GALNT10: variants seen among roughly 807,000 people sequenced by gnomAD.
The protein encoded by GALNT10 is GalNAc transferase 10.
In GALNT10, 41 loss-of-function variants were observed where a neutral mutation model predicts 75.0. The observed-to-expected ratio is 0.55, with a 90% CI of 0.43 to 0.71. The LOEUF is 0.71. GALNT10 is among the 30% of genes least tolerant of loss of function. The pLI, the probability that GALNT10 is intolerant of heterozygous loss-of-function variation, is 0.00. For synonymous variants in GALNT10, 302 were observed against 313.0 expected (o/e 0.96, Z 0.37); for missense variants, 727 against 818.5 (o/e 0.89, Z 1.36).
intron 1 of GALNT10, among the ~76,000 whole-genome samples, chr5:154,229,771 C>T (rs1355226380): frequency 6.6e-6 from 1 of 151,932 alleles, no homozygotes; most frequent in Admixed American, 6.6e-5. Flanking sequence ...CAATCACGGA[C>T]CAGGACAGTC....
rs116115350 is a variant in GALNT10 at position 154,386,250 on chromosome 5, G to T, written c.939-63G>T. ...GCCGCTGGGGGAATGGCATTATCGG[G>T]CCACATGAGAGCATGTGGCCAGGAC... On this transcript the variant is annotated intron_variant, in intron 6 of 11. Coordinates refer to ENST00000297107, the MANE Select transcript of GALNT10 (RefSeq NM_198321.4). 1.7e-3 allele frequency: 2,025 copies of T among 1,170,720 alleles called. 33 individuals carry two copies. In the African/African-American group the frequency reaches 0.028, roughly 16 times the overall value. The allele number at this position is 1,170,720 out of a possible 1,614,324, so 72.5% of individuals were successfully genotyped here.
At chr5:154,291,313 CT>C (rs775666908) in intron 1 of GALNT10, among the ~76,000 whole-genome samples, 5 of 152,138 alleles carry the variant, frequency 3.3e-5, no homozygotes, top group Non-Finnish European at 7.4e-5. Context: ...TTGAAGGGCC[CT>C]TTAAAGGTTG....
intron 1 of GALNT10, among the ~76,000 whole-genome samples, chr5:154,264,005 T>C (rs1753740957): frequency 6.6e-6 from 1 of 152,212 alleles, no homozygotes; most frequent in African/African-American, 2.4e-5. Context: ...TTTTGTGTTA[T>C]GTGATTTATA....
chr5:154,199,253 G>A (rs538492602), intron 1 of GALNT10, among the ~76,000 whole-genome samples: 1 of 152,214 alleles, frequency 6.6e-6, no homozygotes, highest in African/African-American at 2.4e-5. Context: ...GTTTGGGCTT[G>A]GCCAAGGATC....
intron 1 of GALNT10, among the ~76,000 whole-genome samples, chr5:154,233,067 A>C (rs1197419754): frequency 2.0e-5 from 3 of 152,160 alleles, no homozygotes; most frequent in Non-Finnish European, 4.4e-5. Context: ...TTATCTGTAA[A>C]ATGGGGATAA....
intron 4 of GALNT10, among the ~76,000 whole-genome samples, chr5:154,373,169 C>A (rs1317658997): frequency 6.6e-6 from 1 of 152,142 alleles, no homozygotes; most frequent in Non-Finnish European, 1.5e-5. Context: ...CCCTTCCAAA[C>A]CCATCAGTGT....
chr5:154,386,293 AT>A lies in GALNT10; in HGVS notation c.939-19del, dbSNP rs1755805065. The A allele has an allele frequency of 3.2e-6, 5 of 1,576,676 alleles. No individual in the cohort carries two copies. In the African/African-American group the frequency reaches 6.7e-5, roughly 21 times the overall value. On this transcript the variant is annotated intron_variant, in intron 6 of 11. Coordinates refer to ENST00000297107, the MANE Select transcript of GALNT10 (RefSeq NM_198321.4). ...GCCAGGACATCTGCACCTTCACACCATGTTCTTCTTCTCTGACAGGTCTCCC... is the reference window on the plus strand; with the variant it reads ...GCCAGGACATCTGCACCTTCACACCAGTTCTTCTTCTCTGACAGGTCTCCC...
At chr5:154,414,953 T>G (rs953912637) in intron 10 of GALNT10, among the ~76,000 whole-genome samples, 4 of 152,022 alleles carry the variant, frequency 2.6e-5, no homozygotes, top group African/African-American at 7.2e-5. Flanking sequence ...GTGAAACCCC[T>G]TCTCTACTAA....
At chr5:154,289,427 A>G (rs1467628386) in intron 1 of GALNT10, among the ~76,000 whole-genome samples, 2 of 152,128 alleles carry the variant, frequency 1.3e-5, no homozygotes, top group South Asian at 2.1e-4. Context: ...TTCAGCTGGT[A>G]TTTTTCAAGG....
intron 7 of GALNT10, among the ~76,000 whole-genome samples, chr5:154,390,394 T>C (rs1425521286): frequency 6.6e-6 from 1 of 152,196 alleles, no homozygotes; most frequent in Admixed American, 6.5e-5. Context: ...TAACCAGATG[T>C]ACTCTAACAC....
chr5:154,362,458 G>A (rs542320839), intron 4 of GALNT10, among the ~76,000 whole-genome samples: 28 of 152,236 alleles, frequency 1.8e-4, no homozygotes, highest in African/African-American at 6.0e-4. Flanking sequence ...AGGGTAGGGG[G>A]AAAATTACAG....
chr5:154,380,065 A>AGAAGG (rs775104056), intron 5 of GALNT10, among the ~76,000 whole-genome samples: 1 of 152,242 alleles, frequency 6.6e-6, no homozygotes, highest in Non-Finnish European at 1.5e-5. Flanking sequence ...GGGCCTTCCC[A>AGAAGG]GAAGGAAATC....
chr5:154,338,778 T>A (rs1260478887), intron 4 of GALNT10, among the ~76,000 whole-genome samples: 1 of 152,174 alleles, frequency 6.6e-6, no homozygotes, highest in African/African-American at 2.4e-5. Flanking sequence ...AATGGTGACA[T>A]AGAGACAGGT....
chr5:154,338,001 C>T (rs1754970067), intron 4 of GALNT10: 18 of 1,571,142 alleles, frequency 1.1e-5, no homozygotes, highest in Non-Finnish European at 1.6e-5. Flanking sequence ...CCTTTTCTTG[C>T]CACTGCCTCG....
At chr5:154,273,382 T>C (rs988622229) in intron 1 of GALNT10, among the ~76,000 whole-genome samples, 5 of 152,194 alleles carry the variant, frequency 3.3e-5, no homozygotes, top group African/African-American at 1.2e-4. Flanking sequence ...GTAAGCTTCC[T>C]GTTCAGGGAG....
At chr5:154,349,927 G>A (rs1412305599) in intron 4 of GALNT10, among the ~76,000 whole-genome samples, 2 of 152,090 alleles carry the variant, frequency 1.3e-5, no homozygotes, top group Non-Finnish European at 2.9e-5. Context: ...GCCACACATG[G>A]CTATTCACAT....
At chr5:154,369,025 T>C (rs1044111895) in intron 4 of GALNT10, among the ~76,000 whole-genome samples, 2 of 152,208 alleles carry the variant, frequency 1.3e-5, no homozygotes, top group Admixed American at 6.5e-5. Context: ...ACAAAACTTC[T>C]ATGAGACTCA....
At chr5:154,404,830 A>C (rs1756240803) in intron 8 of GALNT10, among the ~76,000 whole-genome samples, 2 of 151,974 alleles carry the variant, frequency 1.3e-5, no homozygotes, top group African/African-American at 4.8e-5. Flanking sequence ...CCCCCTGTCT[A>C]CTCTTACTGC....
chr5:154,358,953 T>C (rs1294958904), intron 4 of GALNT10, among the ~76,000 whole-genome samples: 1 of 152,212 alleles, frequency 6.6e-6, no homozygotes, highest in Non-Finnish European at 1.5e-5. Context: ...CAGAGTGTTG[T>C]ATTATTTTTT....
Sources: allele counts gnomAD v4.1 joint callset (sites outside exome capture counted in the v4.1 genomes callset), GRCh38; gene constraint gnomAD v4.1.1; transcripts MANE v1.5; gene names NCBI Gene and HGNC (gene_info 2026-07-23, HGNC 2026-07-21).